The following ASTN1 variants were observed in gnomAD, a reference collection of about 807,000 sequenced individuals.
The protein encoded by ASTN1 is astrotactin-1.
In ASTN1, 41 loss-of-function variants were observed where a neutral mutation model predicts 140.7. That is an observed-to-expected ratio of 0.29 (90% CI 0.23 to 0.38). ASTN1 has a LOEUF of 0.38. Ranked by LOEUF, ASTN1 falls within the 10% of genes least tolerant of loss-of-function variation. The pLI, the probability that ASTN1 is intolerant of heterozygous loss-of-function variation, is 1.00. For missense variants in ASTN1, 1,479 were observed against 1,678.8 expected, an observed-to-expected ratio of 0.88 and a Z score of 2.08; for synonymous variants, 640 against 652.2, an observed-to-expected ratio of 0.98 and a Z score of 0.29.
chr1:177,164,605 G>A lies in ASTN1; in HGVS notation c.72C>T (p.Ala24=), dbSNP rs1196253228. The change falls in exon 1 of 23, where the codon GCC becomes GCT. Residue 24 remains alanine, a synonymous_variant. Transcript: ENST00000361833. ...GCTCCTTGGATGGATCCACGTCGCC[G>A]GCGGCCGTGGCCAGCACCGCCGCCG... is the stretch of plus-strand genomic sequence containing the variant. The part of the protein sequence containing the change: ...WGPAAVLATA[A]GDVDPSKELE... 1 of 1,611,486 alleles carries A rather than the reference G, an allele frequency of 6.2e-7. No homozygotes were observed. The highest frequency in any genetic ancestry group is 1.3e-5 in the African/African-American group (1 of 74,984).
chr1:176,900,145 C>T (rs934950647), intron 16 of ASTN1, among the ~76,000 whole-genome samples: 4 of 152,184 alleles, frequency 2.6e-5, no homozygotes, highest in Non-Finnish European at 5.9e-5. Flanking sequence ...GTAAACAGTT[C>T]TCTAGTCCTT....
chr1:177,096,519 C>G (rs1680032098), intron 1 of ASTN1, among the ~76,000 whole-genome samples: 2 of 152,232 alleles, frequency 1.3e-5, no homozygotes, highest in East Asian at 3.9e-4. Flanking sequence ...TTGGCTGTGT[C>G]CCTACTCAAA....
At chr1:176,925,796 A>G (rs900257875) in intron 16 of ASTN1, among the ~76,000 whole-genome samples, 15 of 150,048 alleles carry the variant, frequency 1.0e-4, no homozygotes, top group African/African-American at 3.4e-4. Flanking sequence ...AGTTCATCTC[A>G]GTAGGTAAAG....
intron 16 of ASTN1, among the ~76,000 whole-genome samples, chr1:176,902,351 T>C (rs1356602945): frequency 6.6e-6 from 1 of 152,200 alleles, no homozygotes; most frequent in Non-Finnish European, 1.5e-5. Flanking sequence ...TATTCATCAA[T>C]TATGACTATG....
intron 21 of ASTN1, among the ~76,000 whole-genome samples, chr1:176,874,396 C>A (rs1188015640): frequency 1.3e-5 from 2 of 152,160 alleles, no homozygotes; most frequent in Non-Finnish European, 2.9e-5. Context: ...AAATGTGAGC[C>A]TTTTCTTCTT....
chr1:177,047,353 C>CAAAATATGACAGGGAGGTCCAG lies in ASTN1; in HGVS notation c.471+13703_471+13724dup, dbSNP rs375303392. 6.6e-5 allele frequency among the ~76,000 whole-genome samples: 10 copies of CAAAATATGACAGGGAGGTCCAG among 151,988 alleles called. 1 individual carries two copies. In the East Asian group the frequency reaches 7.7e-4, roughly 12 times the overall value. Reference sequence around the variant, plus strand: ...AGTATTAAATAGCAAGGGAGGTCCACAAAATATGACAGGGAGGTCCAGAAA... The same window carrying CAAAATATGACAGGGAGGTCCAG: ...AGTATTAAATAGCAAGGGAGGTCCACAAAATATGACAGGGAGGTCCAGAAAATATGACAGGGAGGTCCAGAAA... On this transcript the variant is annotated intron_variant, in intron 2 of 22. Transcript: ENST00000361833.
At chr1:177,086,691 T>C (rs889819007) in intron 1 of ASTN1, among the ~76,000 whole-genome samples, 1 of 152,174 alleles carries the variant, frequency 6.6e-6, no homozygotes, top group Non-Finnish European at 1.5e-5. Context: ...ATGAGCTCAG[T>C]TTTTTAAAAA....
At chr1:176,980,438 A>G (rs1444094531) in intron 8 of ASTN1, among the ~76,000 whole-genome samples, 1 of 151,796 alleles carries the variant, frequency 6.6e-6, no homozygotes, top group Non-Finnish European at 1.5e-5. Context: ...CTGGTTTTAC[A>G]GAATGCCTAC....
chr1:177,027,737 T>TGTGTGC (rs1240801442), intron 5 of ASTN1, among the ~76,000 whole-genome samples: 40 of 150,392 alleles, frequency 2.7e-4, no homozygotes, highest in Middle Eastern at 3.4e-3. Context: ...TGTGTGTGTG[T>TGTGTGC]GTGTGTGTGT....
chr1:177,088,013 T>A (rs1415399102), intron 1 of ASTN1, among the ~76,000 whole-genome samples: 1 of 152,206 alleles, frequency 6.6e-6, no homozygotes, highest in Admixed American at 6.5e-5. Context: ...GAGCTTTGGA[T>A]TAATGAAGTT....
intron 15 of ASTN1, among the ~76,000 whole-genome samples, chr1:176,935,814 T>C (rs76988488): frequency 0.012 from 1,843 of 152,170 alleles, 46 homozygotes; most frequent in African/African-American, 0.041. Flanking sequence ...TTTATTTCAC[T>C]CACTTGCTGT....
At position 176,888,195 on chromosome 1, in the gene ASTN1, C is replaced by T; in HGVS notation, c.2950G>A (p.Glu984Lys). 6.2e-7 allele frequency: 1 copy of T among 1,613,944 alleles called. No individual in the cohort carries two copies. Among genetic ancestry groups the T allele is most frequent in the East Asian group, 2.2e-5 (1 of 44,874 alleles). ...CACCAGAGAGAGCTCATGGTAGCCT[C>T]CTGCAAGAGCTGCATAAGAGAACAG... is the stretch of plus-strand genomic sequence containing the variant. ...TNNQTQRLLQEATMSSLWCSG... is the reference protein window; with the variant it reads ...TNNQTQRLLQKATMSSLWCSG... Residue 984 changes from glutamate to lysine, a missense_variant, in exon 18 of 23, where the codon GAG becomes AAG. Physicochemically the swap from Glu to Lys is moderately conservative, Grantham distance 56. Transcript: ENST00000361833.
At chr1:176,889,052 AT>A (rs1272940580) in intron 17 of ASTN1, among the ~76,000 whole-genome samples, 1 of 152,276 alleles carries the variant, frequency 6.6e-6, no homozygotes, top group Non-Finnish European at 1.5e-5. Flanking sequence ...TTAGATAGAA[AT>A]TTGTAACCAT....
chr1:176,909,684 TC>T (rs1191953582), intron 16 of ASTN1, among the ~76,000 whole-genome samples: 2 of 151,990 alleles, frequency 1.3e-5, no homozygotes, highest in Non-Finnish European at 2.9e-5. Context: ...AAGACCTCCA[TC>T]CTAAATCTTG....
intron 8 of ASTN1, among the ~76,000 whole-genome samples, chr1:176,991,977 A>G (rs577956533): frequency 2.0e-5 from 3 of 152,346 alleles, no homozygotes; most frequent in African/African-American, 7.2e-5. Context: ...TATGTATTAA[A>G]TAGTTATGTC....
At chr1:176,953,818 C>T (rs1265043750) in intron 11 of ASTN1, among the ~76,000 whole-genome samples, 3 of 152,178 alleles carry the variant, frequency 2.0e-5, no homozygotes, top group Non-Finnish European at 2.9e-5. Flanking sequence ...CACCCGATTT[C>T]TCCCCTTCCA....
intron 2 of ASTN1, among the ~76,000 whole-genome samples, chr1:177,043,824 G>A (rs1196166250): frequency 6.6e-6 from 1 of 152,154 alleles, no homozygotes; most frequent in Non-Finnish European, 1.5e-5. Context: ...TTGCCAGCAA[G>A]CTTTGTCTGG....
intron 3 of ASTN1, among the ~76,000 whole-genome samples, chr1:177,032,229 T>A (rs187420992): frequency 4.4e-4 from 67 of 152,324 alleles, no homozygotes; most frequent in African/African-American, 1.5e-3. Context: ...TTCCAGTGCC[T>A]GGTGGAAGTG....
chr1:177,164,341 G>T lies in ASTN1; in HGVS notation c.283+53C>A, dbSNP rs1305046836. The stretch of plus-strand genomic sequence containing the variant: ...TGTGTAGAGCGAGCTGGAGTGGGGG[G>T]TGGGGGCGCCGGTCCAGCGCCTCCG... On this transcript the variant is annotated intron_variant, in intron 1 of 22. Coordinates refer to ENST00000361833, the MANE Select transcript of ASTN1 (RefSeq NM_004319.3). 7.5e-6 allele frequency: 11 copies of T among 1,469,172 alleles called. No individual in the cohort carries two copies. In the Admixed American group the frequency reaches 1.9e-4, roughly 25 times the overall value. The allele number at this position is 1,469,172 out of a possible 1,614,324, so 91.0% of individuals were successfully genotyped here.
Sources: gnomAD v4.1 joint callset for allele counts (sites outside exome capture counted in the v4.1 genomes callset) on GRCh38, gnomAD v4.1.1 for gene constraint, MANE v1.5 for transcripts, NCBI Gene and HGNC (gene_info 2026-07-23, HGNC 2026-07-21) for gene names.